Variants in GRM1 observed in about 807,000 individuals in gnomAD.
GRM1 encodes glutamate metabotropic receptor 1.
Under a neutral mutation model 90.9 loss-of-function variants are expected in GRM1, and 33 were observed. That is an observed-to-expected ratio of 0.36 (90% CI 0.28 to 0.49). The LOEUF is 0.49. GRM1 is among the 20% of genes least tolerant of loss of function. The pLI is 0.99. For missense variants in GRM1, 1,190 were observed against 1,534.3 expected (o/e 0.78, Z 3.75); for synonymous variants, 700 against 613.2 (o/e 1.14, Z -2.09).
intron 5 of GRM1, among the ~76,000 whole-genome samples, chr6:146,374,386 T>C (rs1293289606): frequency 6.6e-6 from 1 of 152,188 alleles, no homozygotes; most frequent in Admixed American, 6.5e-5. Context: ...CCTTATAGAA[T>C]GAGTTTGGAA....
chr6:146,259,033 T>A (rs993561201), intron 2 of GRM1, among the ~76,000 whole-genome samples: 1 of 152,188 alleles, frequency 6.6e-6, no homozygotes, highest in Non-Finnish European at 1.5e-5. Flanking sequence ...CTCCTGGGGC[T>A]GGCAAAGACT....
intron 2 of GRM1, among the ~76,000 whole-genome samples, chr6:146,256,707 C>G (rs1562561351): frequency 6.6e-6 from 1 of 152,038 alleles, no homozygotes; most frequent in Non-Finnish European, 1.5e-5. Flanking sequence ...CTTCTCAAAC[C>G]CCAACACTTA....
rs539823204 is a variant in GRM1, at chr6:146,354,039, T to A, written c.1433+1543T>A. The stretch of plus-strand genomic sequence containing the variant: ...AGCTTGAAGTCCTGCACTTAGGGAG[T>A]ACCTTGTGAGAGCTAAGTGGATTCT... On this transcript the variant is annotated intron_variant, in intron 4 of 7. Coordinates refer to ENST00000282753, the MANE Select transcript of GRM1 (RefSeq NM_001278064.2). 4.6e-5 allele frequency among the ~76,000 whole-genome samples: 7 copies of A among 152,258 alleles called. No homozygotes were observed. The East Asian group carries it at 1.4e-3, about 29-fold the overall frequency.
intron 1 of GRM1, among the ~76,000 whole-genome samples, chr6:146,030,558 C>A (rs1221913146): frequency 2.6e-5 from 4 of 152,174 alleles, no homozygotes; most frequent in Non-Finnish European, 5.9e-5. Context: ...TGTTATATTG[C>A]CCTTCAGTGA....
chr6:146,352,485 C>A lies in GRM1; in HGVS notation c.1422C>A (p.Asp474Glu), dbSNP rs371221115. The A allele has an allele frequency of 6.2e-7, 1 of 1,613,660 alleles. No individual in the cohort carries two copies. Among genetic ancestry groups the A allele is most frequent in the East Asian group, 2.2e-5 (1 of 44,868 alleles). ...GEEVWFDEKG[D>E]APGRYDIMNL... ...AGGTGTGGTTTGATGAGAAAGGAGA[C>A]GCTCCTGGAAGGTAATCTTTTCAGT... Residue 474 changes from aspartate (D) to glutamate (E), a missense_variant, in exon 4 of 8, where the codon GAC becomes GAA. Around this residue, in one of 10 missense-constraint regions of GRM1, gnomAD observed 414 missense variants for 598.4 expected, o/e 0.69. Transcript: ENST00000282753.
intron 1 of GRM1, among the ~76,000 whole-genome samples, chr6:146,145,384 G>A (rs1488959305): frequency 6.6e-6 from 1 of 152,158 alleles, no homozygotes; most frequent in Non-Finnish European, 1.5e-5. Flanking sequence ...GCCTAGGAGA[G>A]CAGAATATTC....
chr6:146,085,694 C>G lies in GRM1; in HGVS notation c.700+55477C>G, dbSNP rs1178400547. Among the ~76,000 whole-genome samples, 4 of 152,072 alleles carry G rather than the reference C, an allele frequency of 2.6e-5. No individual in the cohort carries two copies. The East Asian group carries it at 7.7e-4, about 29-fold the overall frequency. On this transcript the variant is annotated intron_variant, in intron 1 of 7. Coordinates refer to ENST00000282753, the MANE Select transcript of GRM1 (RefSeq NM_001278064.2). ...GAGGAGAAAAACTTTGCTACTTAAT[C>G]GACTGTAGACATGTATAAACCACTG...
rs183066053 is a variant in GRM1 at position 146,122,768 on chromosome 6, C to T, written c.701-36580C>T. Among the ~76,000 whole-genome samples, 356 of 147,790 alleles carry T rather than the reference C, an allele frequency of 2.4e-3. 5 individuals are homozygous for T. Among genetic ancestry groups the T allele is most frequent in the Admixed American group, 0.021 (304 of 14,828 alleles). ...TTTGTGGGTGTAATTCTTTTCAAAT[C>T]TCTAAGAATTCTATTTAGTTTAAAG... On this transcript the variant is annotated intron_variant, in intron 1 of 7. Coordinates refer to ENST00000282753, the MANE Select transcript of GRM1 (RefSeq NM_001278064.2).
intron 2 of GRM1, among the ~76,000 whole-genome samples, chr6:146,212,696 G>T (rs1279630489): frequency 6.6e-6 from 1 of 152,114 alleles, no homozygotes; most frequent in East Asian, 1.9e-4. Flanking sequence ...TGATGGCTAA[G>T]TTCCCAGGCT....
chr6:146,139,785 A>G (rs772924497), intron 1 of GRM1, among the ~76,000 whole-genome samples: 25 of 152,024 alleles, frequency 1.6e-4, no homozygotes, highest in Non-Finnish European at 3.4e-4. Context: ...TTTTGATTGG[A>G]GTGTTTAGTC....
At chr6:146,237,490 A>G (rs562141903) in intron 2 of GRM1, among the ~76,000 whole-genome samples, 1 of 148,124 alleles carries the variant, frequency 6.8e-6, no homozygotes, top group African/African-American at 2.6e-5. Context: ...ATATTTTTAC[A>G]AATAGTTATT....
chr6:146,103,909 C>T (rs1777134020), intron 1 of GRM1, among the ~76,000 whole-genome samples: 1 of 151,996 alleles, frequency 6.6e-6, no homozygotes, highest in Admixed American at 6.5e-5. Context: ...GATGAGGGGG[C>T]AATTAAAATT....
At chr6:146,243,711 G>A (rs1053783948) in intron 2 of GRM1, among the ~76,000 whole-genome samples, 6 of 152,096 alleles carry the variant, frequency 3.9e-5, no homozygotes, top group East Asian at 3.9e-4. Context: ...GGCACGCATC[G>A]TCATTGATAA....
At chr6:146,321,147 G>T (rs966391887) in intron 3 of GRM1, among the ~76,000 whole-genome samples, 2 of 152,040 alleles carry the variant, frequency 1.3e-5, no homozygotes, top group Non-Finnish European at 2.9e-5. Flanking sequence ...CTTTAGCTGT[G>T]TCCCAGAGAT....
In GRM1 at chr6:146,079,484, T is replaced by C. The variant is rs149448897; in HGVS notation, c.700+49267T>C. ...GGATGGAGAACAGCTTTTGTGTTTG[T>C]TTTTAAGTTGTTGAAACTTTATAAG... On this transcript the variant is annotated intron_variant, in intron 1 of 7. Transcript: ENST00000282753. 1.5e-4 allele frequency among the ~76,000 whole-genome samples: 23 copies of C among 152,334 alleles called. No individual in the cohort carries two copies. The East Asian group carries it at 4.4e-3, about 29-fold the overall frequency.
intron 2 of GRM1, among the ~76,000 whole-genome samples, chr6:146,253,883 G>A (rs1219734927): frequency 1.3e-5 from 2 of 152,076 alleles, no homozygotes; most frequent in African/African-American, 4.8e-5. Context: ...AGGGATACAG[G>A]CTAAATCCCA....
intron 1 of GRM1, among the ~76,000 whole-genome samples, chr6:146,118,973 A>G (rs1478576124): frequency 1.3e-5 from 2 of 152,176 alleles, no homozygotes; most frequent in South Asian, 4.1e-4. Context: ...GGATTGCTGG[A>G]TCAAATGGTA....
chr6:146,169,421 GTGT>G (rs921495490), intron 2 of GRM1, among the ~76,000 whole-genome samples: 1 of 152,162 alleles, frequency 6.6e-6, no homozygotes, highest in African/African-American at 2.4e-5. Context: ...GCTGTTCTCA[GTGT>G]TGTGTAAGTT....
At chr6:146,288,277 G>A (rs1782838537) in intron 2 of GRM1, among the ~76,000 whole-genome samples, 1 of 152,086 alleles carries the variant, frequency 6.6e-6, no homozygotes, top group Non-Finnish European at 1.5e-5. Context: ...AGGCAATGCT[G>A]GAGAGGGTAC....
Sources: gnomAD v4.1 joint callset for allele counts (sites outside exome capture counted in the v4.1 genomes callset) on GRCh38, gnomAD v4.1.1 for gene constraint, gnomAD v4.1.1 regional missense constraint, MANE v1.5 for transcripts, NCBI Gene and HGNC (gene_info 2026-07-23, HGNC 2026-07-21) for gene names.